CUX1: variants seen among roughly 807,000 people sequenced by gnomAD.
CUX1 encodes cut like homeobox 1.
A neutral mutation model predicts 158.8 loss-of-function variants in CUX1; 31 were observed. The ratio of observed to expected loss-of-function variants is 0.20; its 90% confidence interval spans 0.15 to 0.26. The LOEUF is 0.26. Ranked by LOEUF, CUX1 falls within the 10% of genes least tolerant of loss-of-function variation. The pLI, the probability that CUX1 is intolerant of heterozygous loss-of-function variation, is 1.00. For synonymous variants in CUX1, 879 were observed against 862.1 expected (o/e 1.02, Z -0.34); for missense variants, 1,589 against 2,014.6 (o/e 0.79, Z 4.04).
intron 1 of CUX1, among the ~76,000 whole-genome samples, chr7:101,838,955 G>A (rs1207924065): frequency 6.6e-6 from 1 of 152,186 alleles, no homozygotes; most frequent in Non-Finnish European, 1.5e-5. Flanking sequence ...ATCCGGGTAC[G>A]GGCCAACGTG....
intron 21 of CUX1, among the ~76,000 whole-genome samples, chr7:102,231,685 T>C (rs1409149111): frequency 6.6e-6 from 1 of 151,966 alleles, no homozygotes; most frequent in African/African-American, 2.4e-5. Flanking sequence ...TAGATTCTTT[T>C]ACCATGTTAG....
At chr7:102,165,540 T>C (rs539119996) in intron 9 of CUX1, among the ~76,000 whole-genome samples, 1 of 152,104 alleles carries the variant, frequency 6.6e-6, no homozygotes, top group African/African-American at 2.4e-5. Context: ...AATTTTTGTA[T>C]TTTTAGTAGA....
chr7:102,274,264 G>A (rs2132810106), exon 16 of CUX1: 2 of 1,613,668 alleles, frequency 1.2e-6, no homozygotes, highest in Non-Finnish European at 1.7e-6. Flanking sequence ...AGCACCGCCT[G>A]GAGAAGATCC....
chr7:101,834,370 C>T (rs1159403681), intron 1 of CUX1, among the ~76,000 whole-genome samples: 4 of 151,830 alleles, frequency 2.6e-5, no homozygotes, highest in Middle Eastern at 3.4e-3. Context: ...GATGGGGTTT[C>T]GCCATGTTGC....
rs575943793 is a variant in CUX1 at position 102,198,099 on chromosome 7, A to G, written c.1895-703A>G. On this transcript the variant is annotated intron_variant, in intron 15 of 23. Coordinates refer to ENST00000292535, the MANE Select transcript of CUX1 (RefSeq NM_181552.4). ...ATTTTGTAATCTTTTGATCTACAAAAAAATCAAAAGGTTAGCTGGGCGTGG... is the reference window on the plus strand; with the variant it reads ...ATTTTGTAATCTTTTGATCTACAAAGAAATCAAAAGGTTAGCTGGGCGTGG... Among the ~76,000 whole-genome samples the G allele has an allele frequency of 7.2e-5, 11 of 152,246 alleles. No homozygotes were observed. The South Asian group carries it at 2.3e-3, about 32-fold the overall frequency.
intron 17 of CUX1, 81 bp downstream of exon 17, chr7:102,200,253 A>T: frequency 8.5e-7 from 1 of 1,170,156 alleles, no homozygotes; most frequent in Non-Finnish European, 1.2e-6. Context: ...GCAGTAATTA[A>T]CTATTTTTTT....
intron 2 of CUX1, among the ~76,000 whole-genome samples, chr7:101,976,207 C>G (rs1271421410): frequency 6.6e-6 from 1 of 152,076 alleles, no homozygotes; most frequent in African/African-American, 2.4e-5. Flanking sequence ...CCAAATCTAC[C>G]ATTCATTTTG....
chr7:101,839,688 A>G (rs1057490648), intron 1 of CUX1, among the ~76,000 whole-genome samples: 2 of 151,630 alleles, frequency 1.3e-5, no homozygotes, highest in South Asian at 2.1e-4. Flanking sequence ...TTTTTTCTAA[A>G]TGGTTTACCA....
intron 1 of CUX1, among the ~76,000 whole-genome samples, chr7:101,845,875 G>T (rs1478194095): frequency 6.6e-6 from 1 of 152,138 alleles, no homozygotes; most frequent in African/African-American, 2.4e-5. Flanking sequence ...AGATGCAGTG[G>T]CACATGCATG....
chr7:102,019,146 G>A (rs1301703598), intron 2 of CUX1, among the ~76,000 whole-genome samples: 1 of 152,004 alleles, frequency 6.6e-6, no homozygotes, highest in Non-Finnish European at 1.5e-5. Flanking sequence ...ATCCTCCTCG[G>A]TCCACATTCA....
chr7:102,217,137 A>G (rs1484569576), intron 20 of CUX1, among the ~76,000 whole-genome samples: 7 of 152,228 alleles, frequency 4.6e-5, no homozygotes, highest in African/African-American at 1.7e-4. Flanking sequence ...AAGCCGGAAC[A>G]AGGCGAGCCT....
At chr7:102,003,307 C>CAG in intron 2 of CUX1, among the ~76,000 whole-genome samples, 2 of 143,506 alleles carry the variant, frequency 1.4e-5, no homozygotes, top group African/African-American at 5.0e-5. Context: ...CACACACACA[C>CAG]ACACACACAC....
intron 2 of CUX1, among the ~76,000 whole-genome samples, chr7:101,987,375 A>G (rs1440883539): frequency 6.6e-6 from 1 of 152,196 alleles, no homozygotes; most frequent in Admixed American, 6.5e-5. Flanking sequence ...TTCCACGGTA[A>G]TGGGTTGGCG....
At chr7:101,942,578 T>A (rs1480517451) in intron 2 of CUX1, among the ~76,000 whole-genome samples, 2 of 152,058 alleles carry the variant, frequency 1.3e-5, no homozygotes, top group East Asian at 3.9e-4. Context: ...TCCTCCCACC[T>A]CAGCCTCCCT....
At chr7:101,900,852 G>A (rs1802067459) in intron 1 of CUX1, among the ~76,000 whole-genome samples, 1 of 152,144 alleles carries the variant, frequency 6.6e-6, no homozygotes, top group Non-Finnish European at 1.5e-5. Context: ...CTTCTCTTAG[G>A]CACCACCTCC....
intron 4 of CUX1, among the ~76,000 whole-genome samples, chr7:102,090,223 T>C (rs1585620345): frequency 6.6e-6 from 1 of 152,196 alleles, no homozygotes; most frequent in East Asian, 1.9e-4. Context: ...AATCTAGGTA[T>C]AGGTTGAGTG....
At chr7:101,972,187 C>T (rs903279438) in intron 2 of CUX1, among the ~76,000 whole-genome samples, 1 of 152,066 alleles carries the variant, frequency 6.6e-6, no homozygotes, top group African/African-American at 2.4e-5. Context: ...AGGATGGTCT[C>T]GATCTCCTGA....
intron 3 of CUX1, among the ~76,000 whole-genome samples, chr7:102,061,205 G>A (rs931142774): frequency 1.3e-5 from 2 of 152,140 alleles, no homozygotes; most frequent in Non-Finnish European, 1.5e-5. Context: ...ATTTACAGGC[G>A]TGAGTCACTG....
chr7:101,893,067 A>G (rs1296241509), intron 1 of CUX1, among the ~76,000 whole-genome samples: 1 of 151,764 alleles, frequency 6.6e-6, no homozygotes, highest in African/African-American at 2.4e-5. Context: ...TAACTCACTA[A>G]TATAATGAAA....
Sources: gnomAD v4.1 joint callset for allele counts (sites outside exome capture counted in the v4.1 genomes callset) on GRCh38, gnomAD v4.1.1 for gene constraint, MANE v1.5 for transcripts, NCBI Gene and HGNC (gene_info 2026-07-23, HGNC 2026-07-21) for gene names.